Variants in CYBA observed in about 807,000 individuals in gnomAD.
The protein encoded by CYBA is cytochrome b-245 light chain.
In CYBA, 21 loss-of-function variants were observed where a neutral mutation model predicts 20.8. The observed-to-expected ratio is 1.01, with a 90% confidence interval of 0.72 to 1.46. The LOEUF (loss-of-function observed/expected upper bound fraction) is 1.46. Among genes scored for constraint, CYBA ranks in the 40% most tolerant of loss-of-function variants. CYBA has a pLI of 0.00. For synonymous variants in CYBA, 164 were observed against 127.5 expected, an observed-to-expected ratio of 1.29 and a Z score of -1.93; for missense variants, 344 against 287.0, an observed-to-expected ratio of 1.20 and a Z score of -1.43.
intron 1 of CYBA, among the ~76,000 whole-genome samples, chr16:88,648,502 T>TC (rs977712937): frequency 1.3e-5 from 2 of 152,150 alleles, no homozygotes; most frequent in Non-Finnish European, 2.9e-5. Flanking sequence ...AGTGTCTTTT[T>TC]CCCCCCGATA....
intron 1 of CYBA, among the ~76,000 whole-genome samples, chr16:88,649,950 G>T (rs1907443407): frequency 6.6e-6 from 1 of 152,162 alleles, no homozygotes; most frequent in Admixed American, 6.5e-5. Context: ...TGTCTGAACT[G>T]ACCCACCGAC....
chr16:88,645,264 T>A, intron 5 of CYBA: 1 of 702,410 alleles, frequency 1.4e-6, no homozygotes, highest in East Asian at 2.7e-5. Context: ...GAAGGGGTTC[T>A]AAAGGAGAGT....
chr16:88,647,274 G>A, intron 2 of CYBA, 99 bp from the exon 3 acceptor site: 1 of 1,172,562 alleles, frequency 8.5e-7, no homozygotes, highest in East Asian at 2.5e-5. Context: ...GAGCACGGTG[G>A]CTCATGCCTG....
At chr16:88,646,926 C>G in intron 3 of CYBA, 88 bp from the exon 4 acceptor site, 1 of 1,266,764 alleles carries the variant, frequency 7.9e-7, no homozygotes, top group Non-Finnish European at 1.1e-6. Flanking sequence ...CCAGGGCACC[C>G]AGGCCTCTTT....
chr16:88,648,753 G>C (rs1466140836), intron 1 of CYBA, among the ~76,000 whole-genome samples: 4 of 151,260 alleles, frequency 2.6e-5, no homozygotes, highest in Non-Finnish European at 5.9e-5. Context: ...GAGTAGCTGG[G>C]ACTACAGGCG....
At chr16:88,646,625 AT>A in intron 4 of CYBA, 129 bp downstream of exon 4, 2 of 844,736 alleles carry the variant, frequency 2.4e-6, no homozygotes, top group Non-Finnish European at 4.1e-6. Flanking sequence ...AGGGACCCGA[AT>A]TTTTGTTTGG....
At chr16:88,646,334 G>T in intron 4 of CYBA, 137 bp from the exon 5 acceptor site, 1 of 669,336 alleles carries the variant, frequency 1.5e-6, no homozygotes, top group South Asian at 1.7e-5. Context: ...GCGGACCGGG[G>T]CTTGTTTCGG....
At chr16:88,650,751 A>C in intron 1 of CYBA, 8 of 618,678 alleles carry the variant, frequency 1.3e-5, no homozygotes, top group East Asian at 2.8e-5. Flanking sequence ...CTGCAAGGGA[A>C]TTACTGGGGG....
intron 5 of CYBA, 44 bp downstream of exon 5, chr16:88,646,072 G>A (rs766144287): frequency 5.4e-6 from 8 of 1,487,100 alleles, no homozygotes; most frequent in African/African-American, 1.4e-5. Context: ...GGCAGGGGCT[G>A]GGGATGGGGG....
chr16:88,650,538 G>A, intron 1 of CYBA: 1 of 482,656 alleles, frequency 2.1e-6, no homozygotes. Context: ...CAGGGAGAGC[G>A]ACCTCCAGGC....
At position 88,647,185 on chromosome 16, in the gene CYBA, T is replaced by G; in HGVS notation, c.129-10A>C. The G allele has an allele frequency of 6.2e-7, 1 of 1,611,612 alleles. No homozygotes were observed. The highest frequency in any genetic ancestry group is 8.5e-7 in the Non-Finnish European group (1 of 1,179,760). On this transcript the variant is annotated splice_polypyrimidine_tract_variant and intron_variant, in intron 2 of 5. Transcript: ENST00000261623. ...AAACACGCCCGCCACACTGAAGCCA[T>G]GTGGTTAAGGAACAGCCCAGCTCAG...
At position 88,643,831 on chromosome 16, in the gene CYBA, G is replaced by A. The variant is rs373787635; in HGVS notation, c.370-260C>T. Among the ~76,000 whole-genome samples the A allele has an allele frequency of 2.0e-5, 3 of 152,358 alleles. No homozygotes were observed. Among genetic ancestry groups the A allele is most frequent in the South Asian group, 2.1e-4 (1 of 4,834 alleles). On this transcript the variant is annotated intron_variant, in intron 5 of 5. Coordinates refer to ENST00000261623, the MANE Select transcript of CYBA (RefSeq NM_000101.4). The surrounding 1 kb of genome is among the most constrained non-coding windows in gnomAD (Gnocchi z 4.3). Reference sequence around the variant, plus strand: ...AACCCCTGGGCTTCTGGAAGATCCCGTGGTGGACACTCCCAGATGCAAATT... The same window carrying A: ...AACCCCTGGGCTTCTGGAAGATCCCATGGTGGACACTCCCAGATGCAAATT...
Position 88,647,139 on chromosome 16 carries a change from G to A in CYBA, c.165C>T (p.Pro55=). 1 of 1,611,410 alleles carries A rather than the reference G, an allele frequency of 6.2e-7. No homozygotes were observed. Among genetic ancestry groups the A allele is most frequent in the South Asian group, 1.1e-5 (1 of 91,030 alleles). ...AGVFVCLLEY[P]RGKRKKGSTM... ...TGGAGCCCTTCTTCCTCTTCCCCCG[G>A]GGGTACTCCAGCAGGCACACAAACA... The change falls in exon 3 of 6, where the codon CCC becomes CCT. Residue 55 remains proline (P), a synonymous_variant. Transcript: ENST00000261623.
intron 2 of CYBA, among the ~76,000 whole-genome samples, 174 bp from the exon 3 acceptor site, chr16:88,647,349 C>A (rs1402000499): frequency 6.6e-6 from 1 of 152,184 alleles, no homozygotes; most frequent in Non-Finnish European, 1.5e-5. Flanking sequence ...TGAGACCAGC[C>A]TGGGCAACAT....
Position 88,646,141 on chromosome 16 carries a change from G to A in CYBA, c.344C>T (p.Ala115Val). Reference protein sequence around the residue: ...LATILGTACLAIASGIYLLAA... With the variant: ...LATILGTACLVIASGIYLLAA... ...CAGTAGGTAGATGCCGCTCGCAATG[G>A]CCAGGCAGGCGGTCCCAAGGATGGT... is the stretch of plus-strand genomic sequence containing the variant. Residue 115 changes from alanine to valine, a missense_variant, in exon 5 of 6, where the codon GCC becomes GTC. Ala to Val is a moderately conservative substitution (Grantham distance 64). Transcript: ENST00000261623. 1 of 1,558,378 alleles carries A rather than the reference G, an allele frequency of 6.4e-7. No individual in the cohort carries two copies. The highest frequency in any genetic ancestry group is 2.4e-5 in the East Asian group (1 of 41,658).
intron 5 of CYBA, among the ~76,000 whole-genome samples, chr16:88,644,343 G>T (rs1907199137): frequency 6.6e-6 from 1 of 152,188 alleles, no homozygotes; most frequent in Admixed American, 6.5e-5. Flanking sequence ...CAGGGCCAGG[G>T]AAAGGTGTTT....
rs748859381 is a variant in CYBA at position 88,647,199 on chromosome 16, A to T, written c.129-24T>A. 1.3e-4 allele frequency: 213 copies of T among 1,608,076 alleles called. 1 individual carries two copies. Among genetic ancestry groups the T allele is most frequent in the Non-Finnish European group, 3.9e-5 (46 of 1,178,246 alleles). Reference sequence around the variant, plus strand: ...CACTGAAGCCATGTGGTTAAGGAACAGCCCAGCTCAGCCTGAGGGGCCACA... The same window carrying T: ...CACTGAAGCCATGTGGTTAAGGAACTGCCCAGCTCAGCCTGAGGGGCCACA... On this transcript the variant is annotated intron_variant, in intron 2 of 5. Coordinates refer to ENST00000261623, the MANE Select transcript of CYBA (RefSeq NM_000101.4).
chr16:88,650,795 G>A (rs1277550389), intron 1 of CYBA, 161 bp downstream of exon 1: 1 of 733,270 alleles, frequency 1.4e-6, no homozygotes, highest in Non-Finnish European at 2.3e-6. Flanking sequence ...CGCGGCCTGA[G>A]GGTCCCGCCC....
chr16:88,646,292 G>C (rs114713870), intron 4 of CYBA, 95 bp from the exon 5 acceptor site: 278 of 1,139,362 alleles, frequency 2.4e-4, no homozygotes, highest in Non-Finnish European at 3.2e-4. Context: ...AAAGTCTCAG[G>C]ACAAGGCAGA....
Sources: gnomAD v4.1 joint callset for allele counts (sites outside exome capture counted in the v4.1 genomes callset) on GRCh38, gnomAD v4.1.1 for gene constraint, Gnocchi (gnomAD v3.1) non-coding constraint, MANE v1.5 for transcripts, NCBI Gene and HGNC (gene_info 2026-07-23, HGNC 2026-07-21) for gene names.